Variants in PDE4D observed in about 807,000 individuals in gnomAD.
The protein encoded by PDE4D is phosphodiesterase 4D.
In PDE4D, 24 loss-of-function variants were observed where a neutral mutation model predicts 87.4. That is an observed-to-expected ratio of 0.27 (90% CI 0.20 to 0.39). The LOEUF is 0.39. Ranked by LOEUF, PDE4D falls within the 10% of genes least tolerant of loss-of-function variation. The pLI is 1.00. For missense variants in PDE4D, 714 were observed against 1,041.0 expected (o/e 0.69, Z 4.32); for synonymous variants, 384 against 383.2 (o/e 1.00, Z -0.02).
intron 1 of PDE4D, among the ~76,000 whole-genome samples, chr5:59,392,296 A>G (rs573336): frequency 0.4 from 61,209 of 151,386 alleles, 12,527 homozygotes; most frequent in East Asian, 0.49. Context: ...GAAACATGTG[A>G]AAAGAAAGAC....
At chr5:59,753,919 A>T (rs541936822) in intron 1 of PDE4D, among the ~76,000 whole-genome samples, 1 of 152,346 alleles carries the variant, frequency 6.6e-6, no homozygotes, top group Admixed American at 6.5e-5. Context: ...TTTCTCTTTA[A>T]TTTATAGCTG....
At chr5:59,274,509 T>C (rs1486125331) in intron 1 of PDE4D, among the ~76,000 whole-genome samples, 1 of 152,134 alleles carries the variant, frequency 6.6e-6, no homozygotes, top group Non-Finnish European at 1.5e-5. Context: ...ATTTCCCCAG[T>C]GTGAGGTATG....
intron 1 of PDE4D, among the ~76,000 whole-genome samples, chr5:59,783,698 CA>C (rs1441186025): frequency 6.6e-6 from 1 of 152,194 alleles, no homozygotes; most frequent in African/African-American, 2.4e-5. Context: ...TGTTTATTTA[CA>C]AAACATAAGT....
Position 58,977,114 on chromosome 5 carries a change from A to ACTCATCTTGTT in PDE4D, c.1707+66_1707+76dup. ...TGAAATGCAGTTCCTTTTACCTAAT[A>ACTCATCTTGTT]CTCATCTTGTTCTTATGTCTAAATT... On this transcript the variant is annotated intron_variant, in intron 12 of 14. Transcript: ENST00000340635. 3 of 1,320,680 alleles carry ACTCATCTTGTT rather than the reference A, an allele frequency of 2.3e-6. No individual in the cohort carries two copies. The South Asian group carries it at 4.2e-5, about 18-fold the overall frequency. The allele number at this position is 1,320,680 out of a possible 1,614,324, so 81.8% of individuals were successfully genotyped here. A position where few individuals can be genotyped will look rare whatever the true frequency, so the allele number is the denominator to read the frequency against.
At chr5:59,092,084 T>G (rs1241515228) in intron 5 of PDE4D, among the ~76,000 whole-genome samples, 1 of 152,214 alleles carries the variant, frequency 6.6e-6, no homozygotes, top group Non-Finnish European at 1.5e-5. Context: ...GCACACTTAA[T>G]TGAATTTTAA....
intron 1 of PDE4D, among the ~76,000 whole-genome samples, chr5:60,473,390 C>T (rs868371533): frequency 1.3e-5 from 2 of 148,232 alleles, no homozygotes; most frequent in South Asian, 4.3e-4. Flanking sequence ...TTAGATATTA[C>T]CACATAGGGG....
intron 1 of PDE4D, among the ~76,000 whole-genome samples, chr5:60,346,629 C>A (rs1758767961): frequency 6.6e-6 from 1 of 152,098 alleles, no homozygotes; most frequent in Admixed American, 6.6e-5. Context: ...ATGCAGGAAT[C>A]AGAATGTGCA....
chr5:60,441,360 G>A (rs1745196183), intron 1 of PDE4D, among the ~76,000 whole-genome samples: 1 of 152,100 alleles, frequency 6.6e-6, no homozygotes, highest in African/African-American at 2.4e-5. Context: ...TTTAATAAAT[G>A]GTGTTGGGAA....
chr5:60,406,928 T>A (rs980578532), intron 1 of PDE4D, among the ~76,000 whole-genome samples: 1 of 152,006 alleles, frequency 6.6e-6, no homozygotes, highest in Non-Finnish European at 1.5e-5. Context: ...GTTGAAAAAG[T>A]ACTATAAATT....
intron 3 of PDE4D, among the ~76,000 whole-genome samples, chr5:59,962,891 T>G (rs188224241): frequency 1.3e-5 from 2 of 152,312 alleles, no homozygotes; most frequent in African/African-American, 4.8e-5. Context: ...TATTAGTAAT[T>G]GTTATTTTTG....
intron 1 of PDE4D, among the ~76,000 whole-genome samples, chr5:60,256,431 C>G (rs889473639): frequency 6.6e-6 from 1 of 151,754 alleles, no homozygotes; most frequent in African/African-American, 2.4e-5. Context: ...TTTATAAATC[C>G]TTAATTTGTG....
chr5:59,224,780 G>A (rs1477031439), intron 1 of PDE4D, among the ~76,000 whole-genome samples: 2 of 152,140 alleles, frequency 1.3e-5, no homozygotes, highest in Non-Finnish European at 2.9e-5. Context: ...AGACACAAGA[G>A]CATTCTCTCT....
intron 1 of PDE4D, among the ~76,000 whole-genome samples, chr5:60,208,026 C>G (rs762033194): frequency 2.4e-4 from 36 of 152,114 alleles, no homozygotes; most frequent in Non-Finnish European, 3.8e-4. Flanking sequence ...TATTAAGCAC[C>G]TATTAAGTGA....
At chr5:59,291,354 C>T (rs184913404) in intron 1 of PDE4D, among the ~76,000 whole-genome samples, 48 of 152,152 alleles carry the variant, frequency 3.2e-4, no homozygotes, top group Middle Eastern at 3.4e-3. Flanking sequence ...TTCACATGTT[C>T]TCCCTTTTTG....
chr5:60,425,741 C>A (rs1743650750), intron 1 of PDE4D, among the ~76,000 whole-genome samples: 1 of 152,140 alleles, frequency 6.6e-6, no homozygotes, highest in Non-Finnish European at 1.5e-5. Flanking sequence ...TCAGAGTGAA[C>A]AGGCAACCTA....
chr5:59,061,336 A>T (rs559062411), intron 5 of PDE4D, among the ~76,000 whole-genome samples: 1 of 152,252 alleles, frequency 6.6e-6, no homozygotes, highest in East Asian at 1.9e-4. Flanking sequence ...TTTTAAAGCA[A>T]AACAGTTTAT....
At chr5:59,292,035 T>C (rs1464223866) in intron 1 of PDE4D, among the ~76,000 whole-genome samples, 1 of 152,016 alleles carries the variant, frequency 6.6e-6, no homozygotes, top group Non-Finnish European at 1.5e-5. Context: ...TTATGGAAAA[T>C]GGAAGGCAAA....
In PDE4D at chr5:59,020,665, A is replaced by AT. The variant is rs35860266; in HGVS notation, c.921+18193dup. 1.3e-3 allele frequency among the ~76,000 whole-genome samples: 197 copies of AT among 146,428 alleles called. 2 individuals carry two copies. Among genetic ancestry groups the AT allele is most frequent in the Admixed American group, 3.5e-3 (51 of 14,644 alleles). On this transcript the variant is annotated intron_variant, in intron 6 of 14. Coordinates refer to ENST00000340635, the MANE Select transcript of PDE4D (RefSeq NM_001104631.2). ...AAATCTCTTTCTAAGGGCTTCTGGA[A>AT]TTTTTTTTTTTTTTTAAACAATAAA...
At chr5:59,698,053 G>A (rs1752038840) in intron 1 of PDE4D, among the ~76,000 whole-genome samples, 1 of 152,136 alleles carries the variant, frequency 6.6e-6, no homozygotes, top group South Asian at 2.1e-4. Context: ...AATAAATGGA[G>A]TTTAATATGG....
Sources: allele counts gnomAD v4.1 joint callset (sites outside exome capture counted in the v4.1 genomes callset), GRCh38; gene constraint gnomAD v4.1.1; transcripts MANE v1.5; gene names NCBI Gene and HGNC (gene_info 2026-07-23, HGNC 2026-07-21).